The following EYA4 variants were observed in gnomAD, a reference collection of about 807,000 sequenced individuals.
EYA4 encodes the protein protein phosphatase EYA4.
EYA4 carries 31 observed loss-of-function variants against 87.9 expected under a neutral mutation model. The ratio of observed to expected loss-of-function variants is 0.35; its 90% CI spans 0.27 to 0.48. The LOEUF (loss-of-function observed/expected upper bound fraction) is 0.48, where lower values mean the gene tolerates loss of function less well. Ranked by LOEUF, EYA4 falls within the 20% of genes least tolerant of loss-of-function variation. The probability of loss-of-function intolerance (pLI) is 0.99; values close to 1 mark genes in which losing one functional copy is unlikely to be tolerated. For missense variants in EYA4, 678 were observed against 761.4 expected, an observed-to-expected ratio of 0.89 and a Z score of 1.29; for synonymous variants, 263 against 270.6, an observed-to-expected ratio of 0.97 and a Z score of 0.28.
intron 2 of EYA4, among the ~76,000 whole-genome samples, chr6:133,299,407 T>C (rs1779188969): frequency 6.6e-6 from 1 of 152,126 alleles, no homozygotes; most frequent in Non-Finnish European, 1.5e-5. Flanking sequence ...GAGCAGTATT[T>C]TCACCATTGA....
intron 1 of EYA4, among the ~76,000 whole-genome samples, chr6:133,261,942 T>C (rs1247121577): frequency 6.6e-6 from 1 of 152,240 alleles, no homozygotes; most frequent in Non-Finnish European, 1.5e-5. Flanking sequence ...GAGATATTAA[T>C]TAGCTTTTCC....
chr6:133,481,984 A>T (rs1321923633), intron 12 of EYA4, among the ~76,000 whole-genome samples: 1 of 152,242 alleles, frequency 6.6e-6, no homozygotes, highest in African/African-American at 2.4e-5. Flanking sequence ...AAGTTTAAAA[A>T]GATGAAAGTA....
chr6:133,298,716 C>G (rs1279880471), intron 2 of EYA4, among the ~76,000 whole-genome samples: 1 of 152,168 alleles, frequency 6.6e-6, no homozygotes, highest in Non-Finnish European at 1.5e-5. Context: ...ATATAAAGTG[C>G]TCACAGCAGT....
chr6:133,466,832 T>A (rs1205866042), intron 10 of EYA4, among the ~76,000 whole-genome samples: 1 of 151,360 alleles, frequency 6.6e-6, no homozygotes, highest in Admixed American at 6.6e-5. Flanking sequence ...GGGAAGCACA[T>A]TTGCAGAGAT....
At chr6:133,458,508 G>A (rs965361507) in intron 6 of EYA4, among the ~76,000 whole-genome samples, 1 of 152,032 alleles carries the variant, frequency 6.6e-6, no homozygotes, top group Non-Finnish European at 1.5e-5. Flanking sequence ...GTGATCCAGG[G>A]CAGGGATTAT....
At chr6:133,341,163 G>A (rs147398569) in intron 2 of EYA4, among the ~76,000 whole-genome samples, 5 of 152,278 alleles carry the variant, frequency 3.3e-5, no homozygotes, top group Non-Finnish European at 5.9e-5. Context: ...TCTGCAAATT[G>A]AGGAACTGAG....
intron 11 of EYA4, among the ~76,000 whole-genome samples, chr6:133,480,229 G>A (rs1244758710): frequency 6.6e-6 from 1 of 152,184 alleles, no homozygotes; most frequent in Non-Finnish European, 1.5e-5. Flanking sequence ...CTAGGAGAGT[G>A]CAAGGTATCA....
chr6:133,309,468 A>G (rs1336422579), intron 2 of EYA4, among the ~76,000 whole-genome samples: 1 of 152,176 alleles, frequency 6.6e-6, no homozygotes, highest in East Asian at 1.9e-4. Context: ...GTGGAAACAT[A>G]TTTTGTTTTC....
chr6:133,415,725 G>A (rs1042102343), intron 3 of EYA4, among the ~76,000 whole-genome samples: 1 of 152,172 alleles, frequency 6.6e-6, no homozygotes, highest in African/African-American at 2.4e-5. Context: ...GCACTTTTAT[G>A]CACTTAGAAT....
At chr6:133,286,339 T>C (rs1466062147) in intron 2 of EYA4, among the ~76,000 whole-genome samples, 1 of 152,098 alleles carries the variant, frequency 6.6e-6, no homozygotes, top group Non-Finnish European at 1.5e-5. Flanking sequence ...GGGAAATGAG[T>C]TGAACTTGAA....
intron 2 of EYA4, among the ~76,000 whole-genome samples, chr6:133,358,947 G>A (rs1474380373): frequency 6.6e-6 from 1 of 152,156 alleles, no homozygotes; most frequent in African/African-American, 2.4e-5. Flanking sequence ...AGATCTGAAG[G>A]ATGAGAGCCA....
intron 2 of EYA4, among the ~76,000 whole-genome samples, chr6:133,362,153 TTTAG>T (rs549320146): frequency 7.2e-4 from 109 of 152,280 alleles, no homozygotes; most frequent in African/African-American, 2.5e-3. Flanking sequence ...TCAAGGTTCT[TTTAG>T]TTGCACCATT....
chr6:133,296,343 G>C (rs140948901), intron 2 of EYA4, among the ~76,000 whole-genome samples: 4 of 152,172 alleles, frequency 2.6e-5, no homozygotes, highest in African/African-American at 9.7e-5. Flanking sequence ...TCACTGGAAG[G>C]CTTTGGGCAA....
chr6:133,357,707 T>A (rs1784173523), intron 2 of EYA4, among the ~76,000 whole-genome samples: 1 of 152,086 alleles, frequency 6.6e-6, no homozygotes, highest in African/African-American at 2.4e-5. Context: ...TTATTTCTCT[T>A]AGGAGGCACT....
intron 2 of EYA4, among the ~76,000 whole-genome samples, chr6:133,371,990 C>A (rs1168566584): frequency 6.6e-6 from 1 of 152,094 alleles, no homozygotes; most frequent in East Asian, 1.9e-4. Flanking sequence ...TACTCTTTAA[C>A]CCTTGAGCAT....
intron 14 of EYA4, chr6:133,510,394 C>G: frequency 3.6e-6 from 1 of 278,052 alleles, no homozygotes; most frequent in South Asian, 4.3e-5. Context: ...TTTCAGTCTA[C>G]GGACTTTCCA....
intron 3 of EYA4, among the ~76,000 whole-genome samples, chr6:133,382,757 T>G (rs1359864464): frequency 6.6e-6 from 1 of 151,020 alleles, no homozygotes; most frequent in Non-Finnish European, 1.5e-5. Context: ...AATCTAAAAT[T>G]GTGCCAGATA....
chr6:133,376,134 G>A (rs185252289), intron 2 of EYA4, among the ~76,000 whole-genome samples: 2 of 151,786 alleles, frequency 1.3e-5, no homozygotes, highest in Admixed American at 6.6e-5. Context: ...AAAGAGTTTG[G>A]CATGCAATAA....
chr6:133,511,531 C>T (rs1324773692), intron 14 of EYA4: 5 of 151,802 alleles, frequency 3.3e-5, no homozygotes, highest in African/African-American at 1.2e-4. Context: ...TAAATGCCCT[C>T]ACCAAATTTC....
Sources: gnomAD v4.1 joint callset for allele counts (sites outside exome capture counted in the v4.1 genomes callset) on GRCh38, gnomAD v4.1.1 for gene constraint, MANE v1.5 for transcripts, NCBI Gene and HGNC (gene_info 2026-07-23, HGNC 2026-07-21) for gene names.